Variants in FRMD4A observed in about 807,000 individuals in gnomAD.
FRMD4A encodes the protein FERM domain-containing protein 4A.
Under a neutral mutation model 129.1 loss-of-function variants are expected in FRMD4A, and 29 were observed. The ratio of observed to expected loss-of-function variants is 0.22; its 90% CI spans 0.17 to 0.31. FRMD4A has a LOEUF of 0.31. Among genes scored for constraint, FRMD4A ranks in the 10% least tolerant of loss-of-function variants. FRMD4A has a pLI of 1.00. For missense variants in FRMD4A, 1,272 were observed against 1,375.8 expected, an observed-to-expected ratio of 0.92 and a Z score of 1.19; for synonymous variants, 634 against 571.6, an observed-to-expected ratio of 1.11 and a Z score of -1.56.
rs77979527 is a variant in FRMD4A at position 14,084,564 on chromosome 10, T to C, written c.46-225652A>G. On this transcript the variant is annotated intron_variant, in intron 2 of 24. Coordinates refer to ENST00000357447, the MANE Select transcript of FRMD4A (RefSeq NM_018027.5). ...GGAGGAGAGATGTCCTTTCCTGGAG[T>C]TAGCTAATTCCTAGAGATCCCAAGC... is the stretch of plus-strand genomic sequence containing the variant. Among the ~76,000 whole-genome samples the C allele has an allele frequency of 0.01, 1,523 of 152,272 alleles. 81 individuals are homozygous for C. The East Asian group carries it at 0.16, about 16-fold the overall frequency.
Position 13,656,655 on chromosome 10 carries a change from C to G in FRMD4A, c.2934G>C (p.Gln978His). Reference protein sequence around the residue: ...VAHSRVTRMPQMCKATSAALP... With the variant: ...VAHSRVTRMPHMCKATSAALP... ...TCTCACCTGACGTGGCCTTGCACATCTGGGGCATCCTGGTGACCCTGCTGT... is the reference window on the plus strand; with the variant it reads ...TCTCACCTGACGTGGCCTTGCACATGTGGGGCATCCTGGTGACCCTGCTGT... The change falls in exon 22 of 25, where the codon CAG becomes CAC. Residue 978 changes from glutamine to histidine, a missense_variant. Physicochemically the swap from Gln to His is conservative, Grantham distance 24. Around this residue, in one of 2 missense-constraint regions of FRMD4A, gnomAD observed 972 missense variants for 892.3 expected, o/e 1.09. Coordinates refer to ENST00000357447, the MANE Select transcript of FRMD4A (RefSeq NM_018027.5). 6.7e-7 allele frequency: 1 copy of G among 1,491,272 alleles called. No homozygotes were observed. The highest frequency in any genetic ancestry group is 9.0e-7 in the Non-Finnish European group (1 of 1,114,770). 92.4% of individuals were successfully genotyped at this position (1,491,272 alleles called of 1,614,324 possible). A position where few individuals can be genotyped will look rare whatever the true frequency, so the allele number is the denominator to read the frequency against.
In FRMD4A at chr10:13,740,503, G is replaced by A. The variant is rs377302150; in HGVS notation, c.614+9C>T. ...CTGTCCCCATGTGAGCTGGGAAGGG[G>A]CCACTTACTTTACGATTGCTTGACC... On this transcript the variant is annotated intron_variant, in intron 10 of 24. Coordinates refer to ENST00000357447, the MANE Select transcript of FRMD4A (RefSeq NM_018027.5). 6 of 1,524,944 alleles carry A rather than the reference G, an allele frequency of 3.9e-6. No individual in the cohort carries two copies. The highest frequency in any genetic ancestry group is 5.4e-6 in the Non-Finnish European group (6 of 1,101,238). The allele number at this position is 1,524,944 out of a possible 1,614,324, so 94.5% of individuals were successfully genotyped here. A position where few individuals can be genotyped will look rare whatever the true frequency, so the allele number is the denominator to read the frequency against.
chr10:13,750,974 C>T (rs2091595780), intron 8 of FRMD4A, among the ~76,000 whole-genome samples: 1 of 152,178 alleles, frequency 6.6e-6, no homozygotes, highest in African/African-American at 2.4e-5. Context: ...GGTAAGTTCC[C>T]TGAGAAAAGG....
chr10:13,891,838 G>A (rs1410308610), intron 2 of FRMD4A: 1 of 697,308 alleles, frequency 1.4e-6, no homozygotes, highest in Admixed American at 6.5e-5. Context: ...CTCGCGCCGA[G>A]CCTGGCCCGG....
intron 2 of FRMD4A, among the ~76,000 whole-genome samples, chr10:14,020,401 T>C (rs1221634244): frequency 6.6e-6 from 1 of 152,192 alleles, no homozygotes; most frequent in Non-Finnish European, 1.5e-5. Flanking sequence ...GTTCTTGAGA[T>C]AGTGGGATGA....
intron 2 of FRMD4A, among the ~76,000 whole-genome samples, chr10:14,255,316 C>G (rs1375196423): frequency 1.3e-5 from 2 of 152,216 alleles, no homozygotes; most frequent in Non-Finnish European, 2.9e-5. Flanking sequence ...AACATAGCCA[C>G]AGTGCTACCC....
intron 2 of FRMD4A, among the ~76,000 whole-genome samples, chr10:14,225,331 C>G (rs2131978878): frequency 6.6e-6 from 1 of 152,164 alleles, no homozygotes; most frequent in East Asian, 1.9e-4. Flanking sequence ...GCTTTCAAAT[C>G]AACACCTAAT....
At chr10:14,327,088 T>TCCCAG (rs1428957285) in intron 2 of FRMD4A, 3 of 397,410 alleles carry the variant, frequency 7.5e-6, no homozygotes, top group Non-Finnish European at 1.3e-5. Context: ...CTGGGACCCC[T>TCCCAG]CCCAGCTGAC....
At chr10:13,791,193 T>A (rs2092992102) in intron 5 of FRMD4A, among the ~76,000 whole-genome samples, 1 of 152,074 alleles carries the variant, frequency 6.6e-6, no homozygotes, top group Non-Finnish European at 1.5e-5. Flanking sequence ...AGCAGCAACA[T>A]CTTCTTAGAG....
chr10:14,019,209 T>C (rs888309499), intron 2 of FRMD4A, among the ~76,000 whole-genome samples: 25 of 151,754 alleles, frequency 1.6e-4, no homozygotes, highest in African/African-American at 5.8e-4. Flanking sequence ...TCAGAAAGAA[T>C]GTCTCAAAAA....
intron 12 of FRMD4A, among the ~76,000 whole-genome samples, chr10:13,714,666 T>C (rs2088598474): frequency 6.6e-6 from 1 of 152,186 alleles, no homozygotes; most frequent in Non-Finnish European, 1.5e-5. Flanking sequence ...GTATTCATGC[T>C]ACAGGAACCC....
chr10:14,234,548 C>T (rs1186181065), intron 2 of FRMD4A, among the ~76,000 whole-genome samples: 1 of 152,064 alleles, frequency 6.6e-6, no homozygotes, highest in Non-Finnish European at 1.5e-5. Flanking sequence ...TTTGGGGACG[C>T]CATAGCAGGG....
intron 3 of FRMD4A, among the ~76,000 whole-genome samples, chr10:13,857,575 C>A (rs764813688): frequency 6.6e-6 from 1 of 152,112 alleles, no homozygotes; most frequent in Non-Finnish European, 1.5e-5. Context: ...TCAAAGTCAG[C>A]AGTTTGAACA....
intron 2 of FRMD4A, among the ~76,000 whole-genome samples, chr10:14,001,149 G>A (rs1435945976): frequency 6.6e-6 from 1 of 152,166 alleles, no homozygotes; most frequent in Non-Finnish European, 1.5e-5. Flanking sequence ...GCTGTTCTCA[G>A]TGTTGGCTGC....
intron 2 of FRMD4A, among the ~76,000 whole-genome samples, chr10:14,098,752 G>A (rs1837143120): frequency 6.6e-6 from 1 of 152,130 alleles, no homozygotes; most frequent in African/African-American, 2.4e-5. Flanking sequence ...TCTTACCCTA[G>A]TGCCTCCCTA....
chr10:14,199,842 C>T (rs897794213), intron 2 of FRMD4A, among the ~76,000 whole-genome samples: 8 of 139,266 alleles, frequency 5.7e-5, no homozygotes, highest in African/African-American at 2.0e-4. Context: ...TTTCCTCTAC[C>T]TTTAAGAAAG....
chr10:13,869,603 A>G (rs2094416758), intron 2 of FRMD4A, among the ~76,000 whole-genome samples: 1 of 152,220 alleles, frequency 6.6e-6, no homozygotes, highest in African/African-American at 2.4e-5. Context: ...CATACTGGGG[A>G]GCACAGGGCA....
chr10:14,076,213 C>T (rs567687652), intron 2 of FRMD4A, among the ~76,000 whole-genome samples: 95 of 152,284 alleles, frequency 6.2e-4, no homozygotes, highest in Non-Finnish European at 1.1e-3. Flanking sequence ...CCTGCCTTTC[C>T]CATGTTACCT....
chr10:13,864,338 C>CAAAAAAAAAAAAAA (rs149602938), intron 2 of FRMD4A, among the ~76,000 whole-genome samples: 1 of 114,688 alleles, frequency 8.7e-6, no homozygotes, highest in Non-Finnish European at 1.8e-5. Flanking sequence ...CATCTTGAGT[C>CAAAAAAAAAAAAAA]AAAAAAAAAA....
Sources: gnomAD v4.1 joint callset for allele counts (sites outside exome capture counted in the v4.1 genomes callset) on GRCh38, gnomAD v4.1.1 for gene constraint, gnomAD v4.1.1 regional missense constraint, MANE v1.5 for transcripts, NCBI Gene and HGNC (gene_info 2026-07-23, HGNC 2026-07-21) for gene names.